CTNNBIP1: variants seen among roughly 807,000 people sequenced by gnomAD.
CTNNBIP1 encodes beta-catenin-interacting protein 1.
In CTNNBIP1, 7 loss-of-function variants were observed where a neutral mutation model predicts 11.8. That is an observed-to-expected ratio of 0.60 (90% confidence interval 0.34 to 1.12). The LOEUF is 1.12. CTNNBIP1 is among the 50% of genes most tolerant of loss of function. The pLI, the probability that CTNNBIP1 is intolerant of heterozygous loss-of-function variation, is 0.03. For synonymous variants in CTNNBIP1, 58 were observed against 43.9 expected (o/e 1.32, Z -1.26); for missense variants, 101 against 113.4 (o/e 0.89, Z 0.50).
intron 1 of CTNNBIP1, among the ~76,000 whole-genome samples, chr1:9,898,129 AT>A (rs1331674140): frequency 3.3e-5 from 5 of 151,666 alleles, no homozygotes; most frequent in African/African-American, 7.2e-5. Context: ...AAAAAAAAAA[AT>A]AAATAAAATT....
chr1:9,853,952 G>C (rs1224259513), intron 5 of CTNNBIP1, among the ~76,000 whole-genome samples: 1 of 152,158 alleles, frequency 6.6e-6, no homozygotes, highest in Non-Finnish European at 1.5e-5. Context: ...CCCTGACCAG[G>C]TGAGATTTAT....
At chr1:9,877,787 T>TACC (rs1296384626) in intron 3 of CTNNBIP1, 118 bp downstream of exon 3, 2 of 152,544 alleles carry the variant, frequency 1.3e-5, no homozygotes, top group African/African-American at 4.8e-5. Flanking sequence ...CGGTGAAAGG[T>TACC]AACAGATGAG....
At chr1:9,873,418 C>G (rs1285463624) in intron 3 of CTNNBIP1, among the ~76,000 whole-genome samples, 1 of 152,150 alleles carries the variant, frequency 6.6e-6, no homozygotes, top group Non-Finnish European at 1.5e-5. Flanking sequence ...TCCCCAGGGC[C>G]AGGCTGCGTC....
intron 5 of CTNNBIP1, among the ~76,000 whole-genome samples, chr1:9,870,059 G>A (rs1021151214): frequency 1.3e-5 from 2 of 152,238 alleles, no homozygotes; most frequent in Non-Finnish European, 2.9e-5. Flanking sequence ...GGGTGCACAA[G>A]CCAGGTCACA....
intron 1 of CTNNBIP1, among the ~76,000 whole-genome samples, chr1:9,897,202 C>A (rs1639425565): frequency 6.6e-6 from 1 of 152,082 alleles, no homozygotes; most frequent in African/African-American, 2.4e-5. Context: ...GGCCTGTAAT[C>A]CCAGCACTTT....
chr1:9,896,408 C>CTA (rs1639408884), intron 1 of CTNNBIP1, among the ~76,000 whole-genome samples: 1 of 152,152 alleles, frequency 6.6e-6, no homozygotes, highest in Non-Finnish European at 1.5e-5. Context: ...GAAATGAAAC[C>CTA]TAGAAGTCAG....
At chr1:9,893,706 C>T (rs1290170554) in intron 1 of CTNNBIP1, among the ~76,000 whole-genome samples, 1 of 152,068 alleles carries the variant, frequency 6.6e-6, no homozygotes, top group Non-Finnish European at 1.5e-5. Flanking sequence ...GTTTAAGTCC[C>T]AGAGAACAAA....
intron 1 of CTNNBIP1, among the ~76,000 whole-genome samples, chr1:9,896,584 C>A (rs1483692400): frequency 6.6e-6 from 1 of 151,948 alleles, no homozygotes; most frequent in Admixed American, 6.6e-5. Flanking sequence ...CTTCTAATCC[C>A]AGGATTTTGG....
Position 9,850,443 on chromosome 1 carries a change from T to C in CTNNBIP1, c.*275A>G. ...AAAAAATAAGAGTCAGAAATAAAAATAAAAGGTTTCTGTTGGTCAAGATTT... is the reference window on the plus strand; with the variant it reads ...AAAAAATAAGAGTCAGAAATAAAAACAAAAGGTTTCTGTTGGTCAAGATTT... On this transcript the variant is annotated 3_prime_UTR_variant, in exon 6 of 6. Transcript: ENST00000377263. 1 of 352,404 alleles carries C rather than the reference T, an allele frequency of 2.8e-6. No homozygotes were observed. Among genetic ancestry groups the C allele is most frequent in the East Asian group, 4.7e-5 (1 of 21,364 alleles). The allele number at this position is 352,404 out of a possible 1,614,324, so 21.8% of individuals were successfully genotyped here. A position where few individuals can be genotyped will look rare whatever the true frequency, so the allele number is the denominator to read the frequency against.
chr1:9,895,377 C>T (rs999556642), intron 1 of CTNNBIP1, among the ~76,000 whole-genome samples: 2 of 146,322 alleles, frequency 1.4e-5, no homozygotes, highest in African/African-American at 5.1e-5. Flanking sequence ...TTTTGTATTG[C>T]AGTTGAGATG....
intron 5 of CTNNBIP1, among the ~76,000 whole-genome samples, chr1:9,856,983 G>C (rs1403343835): frequency 6.6e-6 from 1 of 151,824 alleles, no homozygotes; most frequent in African/African-American, 2.4e-5. Context: ...TTAGCAGGGT[G>C]TGGTGGCGGG....
Position 9,871,091 on chromosome 1 carries a change from C to G in CTNNBIP1, c.187+96G>C, listed in dbSNP as rs569222304. On this transcript the variant is annotated intron_variant, in intron 5 of 5. Coordinates refer to ENST00000377263, the MANE Select transcript of CTNNBIP1 (RefSeq NM_020248.3). The surrounding 1 kb of genome is among the most constrained non-coding windows in gnomAD (Gnocchi z 5.2). ...TCAGCCCTGGGTCTCATGGATCACC[C>G]ATCAAAGAGGGCTGGAGCTACGCTT... The G allele has an allele frequency of 1.5e-4, 135 of 882,106 alleles. 2 individuals are homozygous for G. In the East Asian group the frequency reaches 3.5e-3, roughly 23 times the overall value. 54.6% of individuals were successfully genotyped at this position (882,106 alleles called of 1,614,324 possible). A position where few individuals can be genotyped will look rare whatever the true frequency, so the allele number is the denominator to read the frequency against.
chr1:9,909,873 C>G (rs1012348351), intron 1 of CTNNBIP1, among the ~76,000 whole-genome samples: 2 of 151,882 alleles, frequency 1.3e-5, no homozygotes, highest in African/African-American at 4.8e-5. Flanking sequence ...TGGAGGCGAC[C>G]CCCGGGCGAA....
chr1:9,907,148 T>C (rs923116523), intron 1 of CTNNBIP1, among the ~76,000 whole-genome samples: 5 of 151,992 alleles, frequency 3.3e-5, no homozygotes, highest in African/African-American at 1.2e-4. Flanking sequence ...GGAGATAAGT[T>C]TTATTCTGTT....
rs1222203930 is a variant in CTNNBIP1, at chr1:9,887,923, CAA to C, written c.-143-4187_-143-4186del. Among the ~76,000 whole-genome samples, 29 of 151,972 alleles carry C rather than the reference CAA, an allele frequency of 1.9e-4. No individual in the cohort carries two copies. In the East Asian group the frequency reaches 5.4e-3, roughly 28 times the overall value. On this transcript the variant is annotated intron_variant, in intron 1 of 5. Coordinates refer to ENST00000377263, the MANE Select transcript of CTNNBIP1 (RefSeq NM_020248.3). ...CACTGCAACCTCCGCCTCCCGGGTT[CAA>C]GTGATTATCCTGCCTCAGCCTCCTA... is the stretch of plus-strand genomic sequence containing the variant.
At chr1:9,908,609 G>A (rs546346403) in intron 1 of CTNNBIP1, among the ~76,000 whole-genome samples, 12 of 152,082 alleles carry the variant, frequency 7.9e-5, no homozygotes, top group Non-Finnish European at 1.2e-4. Flanking sequence ...TGATCCGCCC[G>A]CCTCGGCCTC....
At chr1:9,885,646 A>T (rs1463232430) in intron 1 of CTNNBIP1, among the ~76,000 whole-genome samples, 4 of 145,242 alleles carry the variant, frequency 2.8e-5, no homozygotes, top group African/African-American at 1.0e-4. Context: ...CCTGTCTCTA[A>T]AAAAAAAAAA....
chr1:9,878,254 A>G (rs1639011816), intron 2 of CTNNBIP1: 1 of 152,348 alleles, frequency 6.6e-6, no homozygotes, highest in Non-Finnish European at 1.5e-5. Context: ...TCCGCTCAAC[A>G]CCACACCCCC....
chr1:9,908,008 C>A (rs765698611), intron 1 of CTNNBIP1, among the ~76,000 whole-genome samples: 41 of 152,236 alleles, frequency 2.7e-4, no homozygotes, highest in South Asian at 1.2e-3. Context: ...GGAATAAAAT[C>A]CAAACTCTTT....
Sources: gnomAD v4.1 joint callset for allele counts (sites outside exome capture counted in the v4.1 genomes callset) on GRCh38, gnomAD v4.1.1 for gene constraint, Gnocchi (gnomAD v3.1) non-coding constraint, MANE v1.5 for transcripts, NCBI Gene and HGNC (gene_info 2026-07-23, HGNC 2026-07-21) for gene names.